PTPRU: variants seen among roughly 807,000 people sequenced by gnomAD.
PTPRU encodes protein tyrosine phosphatase receptor type U.
A neutral mutation model predicts 166.3 loss-of-function variants in PTPRU; 69 were observed. The ratio of observed to expected loss-of-function variants is 0.41; its 90% CI spans 0.34 to 0.51. The LOEUF is 0.51. Ranked by LOEUF, PTPRU falls within the 20% of genes least tolerant of loss-of-function variation. The pLI, the probability that PTPRU is intolerant of heterozygous loss-of-function variation, is 0.09. For synonymous variants in PTPRU, 793 were observed against 814.0 expected (o/e 0.97, Z 0.44); for missense variants, 1,657 against 2,013.7 (o/e 0.82, Z 3.39).
In PTPRU at chr1:29,315,445, G is replaced by T. The variant is rs746376571; in HGVS notation, c.3301G>T (p.Val1101Leu). 43 of 1,614,090 alleles carry T rather than the reference G, an allele frequency of 2.7e-5. 1 individual carries two copies. In the South Asian group the frequency reaches 4.6e-4, roughly 17 times the overall value. Reference protein sequence around the residue: ...MLDMAECEGVVDIYNCVKTLC... With the variant: ...MLDMAECEGVLDIYNCVKTLC... ...GGACATGGCAGAGTGTGAGGGCGTC[G>T]TGGACATTTACAACTGTGTGAAGAC... The change falls in exon 23 of 30, where the codon GTG becomes TTG. Residue 1101 changes from valine to leucine, a missense_variant. Coordinates refer to ENST00000373779, the MANE Select transcript of PTPRU (RefSeq NM_133178.4). The surrounding 1 kb of genome is among the most constrained non-coding windows in gnomAD (Gnocchi z 4.5).
chr1:29,244,973 T>C (rs374891887), intron 1 of PTPRU, among the ~76,000 whole-genome samples: 10 of 151,880 alleles, frequency 6.6e-5, no homozygotes, highest in Non-Finnish European at 1.3e-4. Context: ...GGGGTGGTGG[T>C]TGGGGAGTGC....
At chr1:29,309,949 A>G (rs1333041990) in intron 18 of PTPRU, among the ~76,000 whole-genome samples, 1 of 152,150 alleles carries the variant, frequency 6.6e-6, no homozygotes, top group African/African-American at 2.4e-5. Context: ...TATCTGGTGA[A>G]TTCTTTTGCT....
At chr1:29,303,832 C>G in intron 15 of PTPRU, 23 bp from the exon 16 acceptor site, 1 of 1,586,692 alleles carries the variant, frequency 6.3e-7, no homozygotes, top group Non-Finnish European at 8.6e-7. Context: ...GTCAAGAACC[C>G]TTTTGTCTTT....
intron 1 of PTPRU, among the ~76,000 whole-genome samples, chr1:29,252,120 G>T (rs1206511963): frequency 6.6e-6 from 1 of 152,164 alleles, no homozygotes; most frequent in African/African-American, 2.4e-5. Flanking sequence ...TCCTGCCTCA[G>T]CTCTGGAAAG....
intron 22 of PTPRU, among the ~76,000 whole-genome samples, chr1:29,313,200 A>G (rs1371684995): frequency 3.3e-5 from 5 of 151,776 alleles, no homozygotes; most frequent in Non-Finnish European, 7.4e-5. Context: ...CTGGCTCCAC[A>G]TCTTTCTCTT....
In PTPRU at chr1:29,280,035, C is replaced by T. The variant is rs1474074888; in HGVS notation, c.1766-4C>T. 1 of 1,611,924 alleles carries T rather than the reference C, an allele frequency of 6.2e-7. No homozygotes were observed. The highest frequency in any genetic ancestry group is 2.2e-5 in the East Asian group (1 of 44,878). On this transcript the variant is annotated splice_polypyrimidine_tract_variant and splice_region_variant and intron_variant, in intron 10 of 29. Transcript: ENST00000373779. The surrounding 1 kb of genome is among the most constrained non-coding windows in gnomAD (Gnocchi z 4.2). ...CCAGCTTGTGACCCTGTCCCCTTCT[C>T]CAGCTCCCAGCTTTGATTATGCCGA...
chr1:29,325,323 CATGGTGAG>C lies in PTPRU; in HGVS notation c.4246_4248+5del. On this transcript the variant is annotated splice_donor_variant and splice_donor_5th_base_variant and coding_sequence_variant and intron_variant, in exon 29 of 30. Coordinates refer to ENST00000373779, the MANE Select transcript of PTPRU (RefSeq NM_133178.4). LOFTEE classifies it high-confidence loss of function. ...ACTACAAACCCAACATGGTGGAGAC[CATGGTGAG>C]GGGCTGTGTCCCGTGCCCAGCCACT... The C allele has an allele frequency of 6.2e-7, 1 of 1,614,154 alleles. No individual in the cohort carries two copies. Among genetic ancestry groups the C allele is most frequent in the Non-Finnish European group, 8.5e-7 (1 of 1,179,962 alleles).
chr1:29,240,128 C>T (rs12748195), intron 1 of PTPRU, among the ~76,000 whole-genome samples: 3,225 of 152,270 alleles, frequency 0.021, 44 homozygotes, highest in Middle Eastern at 0.082. Context: ...CTAACTCCAG[C>T]TTTTTGCTGG....
chr1:29,236,833 GTGTC>G lies in PTPRU; in HGVS notation c.73+119_73+122del, dbSNP rs1683789541. On this transcript the variant is annotated intron_variant, in intron 1 of 29. Coordinates refer to ENST00000373779, the MANE Select transcript of PTPRU (RefSeq NM_133178.4). This position sits in a 1 kb window ranked among gnomAD's most constrained non-coding sequence, Gnocchi z 4.6. ...GGCGTTACGAGCGTGCTCCCTGTGT[GTGTC>G]TGAGCGTAGGATGGGCGATTGTGTG... The G allele has an allele frequency of 2.0e-6, 2 of 1,005,650 alleles. No homozygotes were observed. The allele number at this position is 1,005,650 out of a possible 1,614,324, so 62.3% of individuals were successfully genotyped here. A position where few individuals can be genotyped will look rare whatever the true frequency, so the allele number is the denominator to read the frequency against.
At chr1:29,243,888 T>G (rs761004460) in intron 1 of PTPRU, among the ~76,000 whole-genome samples, 12 of 152,008 alleles carry the variant, frequency 7.9e-5, no homozygotes, top group Non-Finnish European at 1.6e-4. Flanking sequence ...CCTCTGGCTC[T>G]GGGTTGGGGG....
At position 29,255,405 on chromosome 1, in the gene PTPRU, C is replaced by G. The variant is rs764581026; in HGVS notation, c.204C>G (p.His68Gln). 1.2e-6 allele frequency: 2 copies of G among 1,613,980 alleles called. No homozygotes were observed. The highest frequency in any genetic ancestry group is 2.7e-5 in the African/African-American group (2 of 74,946). Residue 68 changes from histidine to glutamine, a missense_variant and splice_region_variant, in exon 2 of 30, where the codon CAC becomes CAG. By Grantham distance (24) the His-to-Gln change is conservative (BLOSUM62 0). Transcript: ENST00000373779. The stretch of plus-strand genomic sequence containing the variant: ...CCCGGGCACCTGCGGACCTGCCCCA[C>G]GGTAAGTCTACTCTCCATCGCCATT... ...PGTRAPADLP[H>Q]GSYLMVNTSQ...
Position 29,312,712 on chromosome 1 carries a change from G to A in PTPRU, c.3227+6G>A. On this transcript the variant is annotated splice_donor_region_variant and intron_variant, in intron 22 of 29. Coordinates refer to ENST00000373779, the MANE Select transcript of PTPRU (RefSeq NM_133178.4). Reference sequence around the variant, plus strand: ...CCCATTGTCATCCACTGCAGGTGGGGGCACCGGGAATCCCAAGGAGAAAAG... The same window carrying A: ...CCCATTGTCATCCACTGCAGGTGGGAGCACCGGGAATCCCAAGGAGAAAAG... 1 of 1,597,172 alleles carries A rather than the reference G, an allele frequency of 6.3e-7. No homozygotes were observed. The highest frequency in any genetic ancestry group is 8.6e-7 in the Non-Finnish European group (1 of 1,167,238).
chr1:29,267,911 T>C (rs941249806), intron 7 of PTPRU, among the ~76,000 whole-genome samples: 15 of 152,052 alleles, frequency 9.9e-5, no homozygotes, highest in Non-Finnish European at 1.9e-4. Context: ...GAAGTGGTGG[T>C]GGTGGGGAGA....
At position 29,236,689 on chromosome 1, in the gene PTPRU, C is replaced by T; in HGVS notation, c.45C>T (p.Leu15=). The T allele has an allele frequency of 6.8e-7, 1 of 1,469,058 alleles. No individual in the cohort carries two copies. The allele number at this position is 1,469,058 out of a possible 1,614,324, so 91.0% of individuals were successfully genotyped here. ...TCGTGCTGGCACTCACCTTCCAGCT[C>T]TGCGCGCCGGAGACCGAGACTCCGG... ...QALVLALTFQ[L]CAPETETPAA... is the part of the protein sequence containing the mutation. The change falls in exon 1 of 30, where the codon CTC becomes CTT. Residue 15 remains leucine (L), a synonymous_variant. Coordinates refer to ENST00000373779, the MANE Select transcript of PTPRU (RefSeq NM_133178.4). This position sits in a 1 kb window ranked among gnomAD's most constrained non-coding sequence, Gnocchi z 4.6.
In PTPRU at chr1:29,237,520, C is replaced by T. The variant is rs1213625418; in HGVS notation, c.73+803C>T. Among the ~76,000 whole-genome samples the T allele has an allele frequency of 6.6e-6, 1 of 151,234 alleles. No homozygotes were observed. The highest frequency in any genetic ancestry group is 1.5e-5 in the Non-Finnish European group (1 of 67,734). Reference sequence around the variant, plus strand: ...CCGCGGCTGCGAGTGTGCCCTGGTCCCGGGGCCGCCCGAGGGGGCGGTGGC... The same window carrying T: ...CCGCGGCTGCGAGTGTGCCCTGGTCTCGGGGCCGCCCGAGGGGGCGGTGGC... On this transcript the variant is annotated intron_variant, in intron 1 of 29. Coordinates refer to ENST00000373779, the MANE Select transcript of PTPRU (RefSeq NM_133178.4). This position sits in a 1 kb window ranked among gnomAD's most constrained non-coding sequence, Gnocchi z 6.4.
Position 29,257,759 on chromosome 1 carries a change from T to C in PTPRU, c.206-746T>C, listed in dbSNP as rs4654400. On this transcript the variant is annotated intron_variant, in intron 2 of 29. Coordinates refer to ENST00000373779, the MANE Select transcript of PTPRU (RefSeq NM_133178.4). This position sits in a 1 kb window ranked among gnomAD's most constrained non-coding sequence, Gnocchi z 4.6. ...GGGAGACACACAGGCACTTTAGTAA[T>C]GACCCAGGGGGCAGGAGAGAAGCCC... Among the ~76,000 whole-genome samples, 72,662 of 151,796 alleles carry C rather than the reference T, an allele frequency of 0.48. 19,298 individuals carry two copies. The highest frequency in any genetic ancestry group is 0.61 in the Middle Eastern group (180 of 294).
rs749755584 is a variant in PTPRU, at chr1:29,311,307, T to G, written c.2858-149T>G. 1.4e-6 allele frequency: 1 copy of G among 709,634 alleles called. No homozygotes were observed. Among genetic ancestry groups the G allele is most frequent in the Non-Finnish European group, 2.4e-6 (1 of 425,300 alleles). The allele number at this position is 709,634 out of a possible 1,614,324, so 44.0% of individuals were successfully genotyped here. On this transcript the variant is annotated intron_variant, in intron 19 of 29. Transcript: ENST00000373779. This position sits in a 1 kb window ranked among gnomAD's most constrained non-coding sequence, Gnocchi z 4.1. The stretch of plus-strand genomic sequence containing the variant: ...CAGGGCCCTACAGGCATGCGTCAGC[T>G]GCAAGCTGGGTGTTGTGGGCAGCAT...
chr1:29,256,401 A>C (rs1188486578), intron 2 of PTPRU, among the ~76,000 whole-genome samples: 2 of 152,028 alleles, frequency 1.3e-5, no homozygotes, highest in East Asian at 3.9e-4. Flanking sequence ...CCTGAAGCCC[A>C]CTCCCTTTGC....
At chr1:29,264,795 C>T (rs1685221375) in intron 7 of PTPRU, among the ~76,000 whole-genome samples, 2 of 152,150 alleles carry the variant, frequency 1.3e-5, no homozygotes, top group South Asian at 4.1e-4. Context: ...CATGCGTGGC[C>T]AACTTCGTTC....
Sources: allele counts gnomAD v4.1 joint callset (sites outside exome capture counted in the v4.1 genomes callset), GRCh38; gene constraint gnomAD v4.1.1; non-coding constraint Gnocchi (gnomAD v3.1); transcripts MANE v1.5; gene names NCBI Gene and HGNC (gene_info 2026-07-23, HGNC 2026-07-21).